Variants in P4HA3 observed in about 807,000 individuals in gnomAD.
The protein encoded by P4HA3 is prolyl 4-hydroxylase subunit alpha-3.
In P4HA3, 60 loss-of-function variants were observed where a neutral mutation model predicts 66.7. That is an observed-to-expected ratio of 0.90 (90% CI 0.73 to 1.12). The LOEUF (loss-of-function observed/expected upper bound fraction) is 1.12, where lower values mean the gene tolerates loss of function less well. P4HA3 is among the 50% of genes most tolerant of loss of function. The pLI, the probability that P4HA3 is intolerant of heterozygous loss-of-function variation, is 0.00. For synonymous variants in P4HA3, 263 were observed against 274.6 expected (o/e 0.96, Z 0.42); for missense variants, 683 against 685.8 (o/e 1.00, Z 0.05).
intron 1 of P4HA3, among the ~76,000 whole-genome samples, chr11:74,309,585 C>A (rs1458082794): frequency 6.6e-6 from 1 of 152,194 alleles, no homozygotes; most frequent in Non-Finnish European, 1.5e-5. Context: ...AGAAAAAATT[C>A]TGTCCTATTT....
intron 9 of P4HA3, among the ~76,000 whole-genome samples, chr11:74,274,549 G>A (rs1307575760): frequency 1.3e-5 from 2 of 151,506 alleles, no homozygotes; most frequent in Admixed American, 6.6e-5. Context: ...TTCTGACCTC[G>A]TGATCCGCCT....
intron 1 of P4HA3, among the ~76,000 whole-genome samples, chr11:74,306,839 A>G (rs1176679128): frequency 6.6e-6 from 1 of 152,178 alleles, no homozygotes; most frequent in Non-Finnish European, 1.5e-5. Context: ...GGGAAATGGG[A>G]AGCCTGTCAA....
chr11:74,300,972 T>C (rs909799410), intron 3 of P4HA3, among the ~76,000 whole-genome samples: 24 of 152,154 alleles, frequency 1.6e-4, no homozygotes, highest in Admixed American at 1.2e-3. Context: ...TGATACAATA[T>C]GGATGAATTC....
chr11:74,307,123 G>C (rs1861603536), intron 1 of P4HA3, among the ~76,000 whole-genome samples: 1 of 152,154 alleles, frequency 6.6e-6, no homozygotes. Context: ...GGATAGGAAG[G>C]AACTGGGACT....
At position 74,302,379 on chromosome 11, in the gene P4HA3, T is replaced by C; in HGVS notation, c.557A>G (p.Gln186Arg). The C allele has an allele frequency of 6.2e-7, 1 of 1,612,328 alleles. No homozygotes were observed. The highest frequency in any genetic ancestry group is 8.5e-7 in the Non-Finnish European group (1 of 1,179,558). Residue 186 changes from glutamine (Q) to arginine (R), a missense_variant, in exon 3 of 13, where the codon CAA becomes CGA. Coordinates refer to ENST00000331597, the MANE Select transcript of P4HA3 (RefSeq NM_182904.5). ...LFSLTGDDCF[Q>R]VGKVAYDMGD... The stretch of plus-strand genomic sequence containing the variant: ...CTTGAATATTGTTACCTTGCCAACT[T>C]GGAAGCAGTCATCCCCTGTGAGAGA...
chr11:74,267,220 A>G lies in P4HA3; in HGVS notation c.*28T>C. ...CCTGGCTTCTCTGGAAAGCCACAGGACTCCACCAGCTTCTCTCTGCCAACA... is the reference window on the plus strand; with the variant it reads ...CCTGGCTTCTCTGGAAAGCCACAGGGCTCCACCAGCTTCTCTCTGCCAACA... On this transcript the variant is annotated 3_prime_UTR_variant, in exon 13 of 13. Coordinates refer to ENST00000331597, the MANE Select transcript of P4HA3 (RefSeq NM_182904.5). The G allele has an allele frequency of 6.2e-7, 1 of 1,613,740 alleles. No homozygotes were observed. Among genetic ancestry groups the G allele is most frequent in the African/African-American group, 1.3e-5 (1 of 74,916 alleles).
intron 7 of P4HA3, among the ~76,000 whole-genome samples, chr11:74,279,869 T>C (rs1860531258): frequency 6.6e-6 from 1 of 152,186 alleles, no homozygotes; most frequent in Non-Finnish European, 1.5e-5. Context: ...TTTGTCGAAT[T>C]AAATGAACAC....
chr11:74,258,648 CA>C (rs1383088025), intron 15 of P4HA3, among the ~76,000 whole-genome samples: 1 of 152,064 alleles, frequency 6.6e-6, no homozygotes, highest in Non-Finnish European at 1.5e-5. Context: ...TTTAGTCCCA[CA>C]CCATAGCAGA....
intron 1 of P4HA3, 51 bp downstream of exon 1, chr11:74,311,361 C>T (rs1446633208): frequency 5.6e-6 from 8 of 1,425,356 alleles, no homozygotes; most frequent in Non-Finnish European, 6.4e-6. Flanking sequence ...CCCTGCGGCA[C>T]AGTGTATCCC....
chr11:74,259,454 AAC>A (rs1414581267), intron 15 of P4HA3, among the ~76,000 whole-genome samples: 1 of 152,206 alleles, frequency 6.6e-6, no homozygotes, highest in African/African-American at 2.4e-5. Flanking sequence ...AACTCTACCT[AAC>A]ACAGTATTTC....
At chr11:74,273,781 AT>A (rs66713314) in intron 9 of P4HA3, among the ~76,000 whole-genome samples, 174 bp from the exon 10 acceptor site, 144,142 of 150,894 alleles carry the variant, frequency 0.96, 68,858 homozygotes, top group East Asian at 0.97. Flanking sequence ...ACTCAATACA[AT>A]TTTTTTTTTT....
At chr11:74,267,407 G>A in intron 12 of P4HA3, 89 bp from the exon 13 acceptor site, 2 of 1,465,538 alleles carry the variant, frequency 1.4e-6, no homozygotes, top group Non-Finnish European at 1.8e-6. Context: ...ATAGGCGCGT[G>A]TGAGTGCCCC....
intron 10 of P4HA3, among the ~76,000 whole-genome samples, chr11:74,270,563 C>G (rs1860160660): frequency 6.6e-6 from 1 of 152,150 alleles, no homozygotes; most frequent in African/African-American, 2.4e-5. Flanking sequence ...ATTTATTGGG[C>G]ACTGACTATA....
intron 4 of P4HA3, among the ~76,000 whole-genome samples, chr11:74,296,254 A>T (rs934623144): frequency 3.3e-5 from 5 of 152,232 alleles, no homozygotes; most frequent in African/African-American, 1.2e-4. Context: ...GGGAAGCTAA[A>T]TAAGTTGCCT....
chr11:74,261,538 A>G (rs1859906711), intron 14 of P4HA3, among the ~76,000 whole-genome samples: 1 of 152,102 alleles, frequency 6.6e-6, no homozygotes, highest in South Asian at 2.1e-4. Flanking sequence ...CTGCCTAGGC[A>G]TTTGTCTGCT....
At chr11:74,260,453 TGA>T (rs1859889460) in intron 14 of P4HA3, among the ~76,000 whole-genome samples, 1 of 152,206 alleles carries the variant, frequency 6.6e-6, no homozygotes, top group South Asian at 2.1e-4. Context: ...GAGAGAATTG[TGA>T]GAGTTTCTCA....
chr11:74,290,664 G>A (rs563952300), intron 4 of P4HA3, among the ~76,000 whole-genome samples: 6 of 152,136 alleles, frequency 3.9e-5, no homozygotes, highest in Non-Finnish European at 7.4e-5. Flanking sequence ...TCTACATATG[G>A]CTAGCCAGTT....
intron 15 of P4HA3, among the ~76,000 whole-genome samples, chr11:74,252,920 C>A (rs2135688493): frequency 6.6e-6 from 1 of 152,344 alleles, no homozygotes. Flanking sequence ...CTAGTCTGTA[C>A]TGCAGAAGGC....
intron 7 of P4HA3, among the ~76,000 whole-genome samples, chr11:74,280,655 G>A (rs1455770132): frequency 1.3e-5 from 2 of 152,154 alleles, no homozygotes; most frequent in Non-Finnish European, 2.9e-5. Flanking sequence ...TGGAGTAGGT[G>A]CTTAGTACTG....
Sources: allele counts gnomAD v4.1 joint callset (sites outside exome capture counted in the v4.1 genomes callset), GRCh38; gene constraint gnomAD v4.1.1; transcripts MANE v1.5; gene names NCBI Gene and HGNC (gene_info 2026-07-23, HGNC 2026-07-21).